The following PFKP variants were observed in gnomAD, a reference collection of about 807,000 sequenced individuals.
The protein encoded by PFKP is ATP-dependent 6-phosphofructokinase, platelet type.
Under a neutral mutation model 94.3 loss-of-function variants are expected in PFKP, and 101 were observed. The ratio of observed to expected loss-of-function variants is 1.07; its 90% CI spans 0.91 to 1.26. The LOEUF is 1.26. Ranked by LOEUF, PFKP falls within the 50% of genes most tolerant of loss-of-function variation. The pLI is 0.00. For synonymous variants in PFKP, 573 were observed against 432.6 expected, an observed-to-expected ratio of 1.32 and a Z score of -4.03; for missense variants, 1,145 against 1,103.3, an observed-to-expected ratio of 1.04 and a Z score of -0.53.
rs1332505686 is a variant in PFKP at position 3,108,062 on chromosome 10, A to G, written c.871-639A>G. The G allele has an allele frequency of 3.2e-6, 4 of 1,234,458 alleles. No individual in the cohort carries two copies. In the African/African-American group the frequency reaches 4.6e-5, roughly 14 times the overall value. The allele number at this position is 1,234,458 out of a possible 1,614,324, so 76.5% of individuals were successfully genotyped here. On this transcript the variant is annotated intron_variant, in intron 8 of 21. Coordinates refer to ENST00000381125, the MANE Select transcript of PFKP (RefSeq NM_002627.5). ...GAAAACAGTGATGGACACCTGGGAA[A>G]GACATCTGCCAATATTTATAAGTGG...
At chr10:3,092,101 G>A (rs895452169) in intron 2 of PFKP, among the ~76,000 whole-genome samples, 3 of 152,078 alleles carry the variant, frequency 2.0e-5, no homozygotes, top group African/African-American at 4.8e-5. Flanking sequence ...CCCCGCCACC[G>A]GCCCCCAAGC....
intron 10 of PFKP, among the ~76,000 whole-genome samples, chr10:3,110,142 G>C (rs1836029800): frequency 6.6e-6 from 1 of 152,198 alleles, no homozygotes; most frequent in Non-Finnish European, 1.5e-5. Context: ...CAGCTTTTCA[G>C]GCATTGGTTC....
chr10:3,095,215 T>C (rs967471409), intron 2 of PFKP, among the ~76,000 whole-genome samples: 1 of 86,728 alleles, frequency 1.2e-5, no homozygotes, highest in African/African-American at 3.0e-5. Context: ...AACTTACATA[T>C]GAGACGTCCG....
At chr10:3,068,776 G>A in intron 1 of PFKP, 1 of 839,208 alleles carries the variant, frequency 1.2e-6, no homozygotes. Context: ...ACGCAACCTG[G>A]GAGCCTTAGC....
At chr10:3,078,260 C>T (rs1324920761) in intron 1 of PFKP, among the ~76,000 whole-genome samples, 1 of 140,666 alleles carries the variant, frequency 7.1e-6, no homozygotes, top group Admixed American at 7.0e-5. Context: ...GTGTGCACGT[C>T]TGCCTGCATT....
chr10:3,135,923 C>T, intron 21 of PFKP, 85 bp downstream of exon 21: 1 of 816,808 alleles, frequency 1.2e-6, no homozygotes, highest in South Asian at 1.5e-5. Context: ...CTGTCGGCAA[C>T]TCATTCAGGG....
At chr10:3,125,004 C>CCCTCCCGTCCCTTCCT (rs1837792399) in intron 16 of PFKP, 1 of 1,017,376 alleles carries the variant, frequency 9.8e-7, no homozygotes. Flanking sequence ...TGACTCAGTC[C>CCCTCCCGTCCCTTCCT]CCTCCCGTCC....
intron 1 of PFKP, among the ~76,000 whole-genome samples, chr10:3,071,030 CAT>C (rs1832141623): frequency 6.6e-6 from 1 of 152,082 alleles, no homozygotes; most frequent in African/African-American, 2.4e-5. Context: ...GGACTACAGA[CAT>C]GAGCCATTGT....
chr10:3,108,079 T>C, intron 8 of PFKP: 2 of 1,146,512 alleles, frequency 1.7e-6, no homozygotes, highest in African/African-American at 3.2e-5. Context: ...TGCCAATATT[T>C]ATAAGTGGTC....
intron 2 of PFKP, among the ~76,000 whole-genome samples, chr10:3,098,055 A>G (rs7914782): frequency 0.55 from 82,951 of 152,012 alleles, 23,143 homozygotes; most frequent in African/African-American, 0.61. Flanking sequence ...TATTTCTGGT[A>G]GAAATTTATA....
intron 2 of PFKP, 81 bp from the exon 3 acceptor site, chr10:3,099,194 C>T: frequency 1.8e-6 from 2 of 1,120,058 alleles, no homozygotes; most frequent in Non-Finnish European, 2.7e-6. Flanking sequence ...TGTCATTTTT[C>T]CCGTTTTATA....
In PFKP at chr10:3,119,376, C is replaced by T. The variant is rs1003305512; in HGVS notation, c.1530+507C>T. ...ATCTCAGCACTTTGGGAGGCCGAGG[C>T]GGGCAGATCACCTGAGGTCAGGAGT... is the stretch of plus-strand genomic sequence containing the variant. On this transcript the variant is annotated intron_variant, in intron 15 of 21. Transcript: ENST00000381125. Among the ~76,000 whole-genome samples, 7 of 152,210 alleles carry T rather than the reference C, an allele frequency of 4.6e-5. No individual in the cohort carries two copies. The East Asian group carries it at 7.7e-4, about 17-fold the overall frequency.
intron 1 of PFKP, among the ~76,000 whole-genome samples, chr10:3,069,809 C>A (rs569702123): frequency 6.6e-6 from 1 of 152,148 alleles, no homozygotes; most frequent in Non-Finnish European, 1.5e-5. Context: ...CAAAAGCTTG[C>A]TAAAATGCGC....
At chr10:3,102,217 C>A (rs936475638) in intron 4 of PFKP, among the ~76,000 whole-genome samples, 2 of 122,274 alleles carry the variant, frequency 1.6e-5, no homozygotes, top group African/African-American at 6.0e-5. Flanking sequence ...CGCCACTGCA[C>A]TCCAGCCTGG....
intron 1 of PFKP, among the ~76,000 whole-genome samples, chr10:3,080,469 A>G (rs1166014461): frequency 7.3e-6 from 1 of 136,966 alleles, no homozygotes; most frequent in Non-Finnish European, 1.5e-5. Flanking sequence ...GTGAGCCGAG[A>G]TTGCACCACT....
At chr10:3,131,715 T>A (rs980378812) in intron 17 of PFKP, among the ~76,000 whole-genome samples, 2 of 152,178 alleles carry the variant, frequency 1.3e-5, no homozygotes, top group Admixed American at 6.5e-5. Flanking sequence ...CGCCTTGGCC[T>A]CCCAAAGTGC....
At chr10:3,093,931 C>A (rs919327949) in intron 2 of PFKP, among the ~76,000 whole-genome samples, 1 of 152,354 alleles carries the variant, frequency 6.6e-6, no homozygotes, top group South Asian at 2.1e-4. Flanking sequence ...GCGTGAGCCA[C>A]CGCATCTGTC....
chr10:3,072,766 G>A (rs1832295425), intron 1 of PFKP, among the ~76,000 whole-genome samples: 1 of 151,874 alleles, frequency 6.6e-6, no homozygotes. Flanking sequence ...AATAATTAGG[G>A]CTCTACCAAT....
chr10:3,134,436 AGT>A (rs767440161), intron 19 of PFKP, 45 bp from the exon 20 acceptor site: 4 of 1,020,386 alleles, frequency 3.9e-6, no homozygotes, highest in Non-Finnish European at 6.0e-6. Context: ...TTAACAGCAA[AGT>A]GTTACTGTAT....
Sources: allele counts gnomAD v4.1 joint callset (sites outside exome capture counted in the v4.1 genomes callset), GRCh38; gene constraint gnomAD v4.1.1; transcripts MANE v1.5; gene names NCBI Gene and HGNC (gene_info 2026-07-23, HGNC 2026-07-21).